The following MEIOSIN variants were observed in gnomAD, a reference collection of about 807,000 sequenced individuals.
MEIOSIN encodes meiosis initiator.
Under a neutral mutation model 23.4 loss-of-function variants are expected in MEIOSIN, and 18 were observed. The ratio of observed to expected loss-of-function variants is 0.77; its 90% confidence interval spans 0.53 to 1.14. The LOEUF (loss-of-function observed/expected upper bound fraction) is 1.14. Ranked by LOEUF, MEIOSIN falls within the 50% of genes most tolerant of loss-of-function variation. MEIOSIN has a pLI of 0.00. For missense variants in MEIOSIN, 428 were observed against 242.9 expected (o/e 1.76, Z -5.07); for synonymous variants, 187 against 100.6 (o/e 1.86, Z -5.14).
intron 3 of MEIOSIN, among the ~76,000 whole-genome samples, chr19:45,744,313 C>T (rs561970772): frequency 7.4e-4 from 112 of 152,200 alleles, no homozygotes; most frequent in African/African-American, 2.5e-3. Context: ...AGCCACCATG[C>T]CCGGCCTCCT....
chr19:45,755,922 G>A, intron 7 of MEIOSIN, 48 bp from the exon 8 acceptor site: 2 of 687,436 alleles, frequency 2.9e-6, no homozygotes, highest in South Asian at 3.0e-5. Context: ...TGGGCTTCCT[G>A]GAATTTGGTC....
rs1298308543 is a variant in MEIOSIN at position 45,735,458 on chromosome 19, G to A, written c.71+11G>A. ...GGGTCCCAGTGACAGGTAAGGGCTT[G>A]CCCCATCTCCCTTATAGCCCCAGCC... is the stretch of plus-strand genomic sequence containing the variant. On this transcript the variant is annotated intron_variant, in intron 2 of 14. Coordinates refer to ENST00000457052, the MANE Select transcript of MEIOSIN (RefSeq NM_001310124.2). The A allele has an allele frequency of 1.4e-6, 1 of 701,418 alleles. No homozygotes were observed. The highest frequency in any genetic ancestry group is 2.0e-5 in the Admixed American group (1 of 49,788). 43.4% of individuals were successfully genotyped at this position (701,418 alleles called of 1,614,324 possible). A position where few individuals can be genotyped will look rare whatever the true frequency, so the allele number is the denominator to read the frequency against.
At chr19:45,734,623 G>T (rs4803851) in intron 1 of MEIOSIN, among the ~76,000 whole-genome samples, 1 of 150,966 alleles carries the variant, frequency 6.6e-6, no homozygotes, top group Non-Finnish European at 1.5e-5. Flanking sequence ...CCCACCTCAG[G>T]CTCCCAAGTA....
intron 2 of MEIOSIN, among the ~76,000 whole-genome samples, chr19:45,738,310 T>C (rs1179658493): frequency 6.6e-6 from 1 of 152,202 alleles, no homozygotes. Context: ...AAACCCATCA[T>C]AAACTGAAAA....
At chr19:45,751,312 A>AATAATG in intron 5 of MEIOSIN, among the ~76,000 whole-genome samples, 1 of 145,622 alleles carries the variant, frequency 6.9e-6, no homozygotes, top group South Asian at 2.2e-4. Flanking sequence ...TAATAATAAT[A>AATAATG]TATACATAAA....
intron 4 of MEIOSIN, among the ~76,000 whole-genome samples, chr19:45,750,416 AC>A (rs1173865849): frequency 2.8e-4 from 41 of 145,998 alleles, no homozygotes; most frequent in African/African-American, 9.7e-4. Flanking sequence ...CTGGAGTGCA[AC>A]GGCGTGATCT....
chr19:45,761,877 A>ACGGC lies in MEIOSIN; in HGVS notation c.1434+13_1434+16dup. On this transcript the variant is annotated intron_variant, in intron 12 of 14. Transcript: ENST00000457052. The stretch of plus-strand genomic sequence containing the variant: ...GTGGAAGCAGCGAGAGGTGAGAGAC[A>ACGGC]CGGCCGCATGCCAGGGCCAGCAGGG... 1 of 641,460 alleles carries ACGGC rather than the reference A, an allele frequency of 1.6e-6. No individual in the cohort carries two copies. Among genetic ancestry groups the ACGGC allele is most frequent in the Non-Finnish European group, 2.8e-6 (1 of 351,364 alleles). 39.7% of individuals were successfully genotyped at this position (641,460 alleles called of 1,614,324 possible). A position where few individuals can be genotyped will look rare whatever the true frequency, so the allele number is the denominator to read the frequency against.
intron 3 of MEIOSIN, among the ~76,000 whole-genome samples, chr19:45,740,219 G>C (rs576761206): frequency 6.6e-6 from 1 of 152,284 alleles, no homozygotes; most frequent in Admixed American, 6.6e-5. Flanking sequence ...ACACCTTCCA[G>C]ATAAGATCAA....
chr19:45,743,009 G>C (rs754368913), intron 3 of MEIOSIN, among the ~76,000 whole-genome samples: 1 of 152,090 alleles, frequency 6.6e-6, no homozygotes, highest in Non-Finnish European at 1.5e-5. Flanking sequence ...GCTAAAACCC[G>C]AACCATCCAG....
rs368086457 is a variant in MEIOSIN at position 45,756,002 on chromosome 19, G to A, written c.835G>A (p.Ala279Thr). The A allele has an allele frequency of 3.3e-5, 23 of 702,858 alleles. No homozygotes were observed. Among genetic ancestry groups the A allele is most frequent in the African/African-American group, 1.4e-4 (8 of 57,356 alleles). 43.5% of individuals were successfully genotyped at this position (702,858 alleles called of 1,614,324 possible). Residue 279 changes from alanine to threonine, a missense_variant, in exon 8 of 15, where the codon GCA becomes ACA. Ala to Thr is a moderately conservative substitution (Grantham distance 58). Transcript: ENST00000457052. ...GTGCCAGGGCAGTGTCCAGGATGAC[G>A]CACCTTTCCCTGCGCTCCTGGCTCA... ...CWCQGSVQDD[A>T]PFPALLAQED...
At chr19:45,750,239 A>C (rs1397946297) in intron 4 of MEIOSIN, among the ~76,000 whole-genome samples, 1 of 144,326 alleles carries the variant, frequency 6.9e-6, no homozygotes, top group African/African-American at 2.5e-5. Flanking sequence ...GTGCAGTGGC[A>C]TGATCTCAGC....
Position 45,764,227 on chromosome 19 carries a change from G to A in MEIOSIN, c.*109G>A, listed in dbSNP as rs1969013500. 2.5e-6 allele frequency: 1 copy of A among 397,894 alleles called. No individual in the cohort carries two copies. Among genetic ancestry groups the A allele is most frequent in the Non-Finnish European group, 4.4e-6 (1 of 225,926 alleles). The allele number at this position is 397,894 out of a possible 1,614,324, so 24.6% of individuals were successfully genotyped here. A position where few individuals can be genotyped will look rare whatever the true frequency, so the allele number is the denominator to read the frequency against. ...TCCCTCCTGGGCCTCCAGCCCCTGA[G>A]AATGCAGGTCCCATGGGACTGGGGA... is the stretch of plus-strand genomic sequence containing the variant. On this transcript the variant is annotated 3_prime_UTR_variant, in exon 15 of 15. Coordinates refer to ENST00000457052, the MANE Select transcript of MEIOSIN (RefSeq NM_001310124.2).
chr19:45,751,311 T>TA (rs977199924), intron 5 of MEIOSIN, among the ~76,000 whole-genome samples: 185 of 145,484 alleles, frequency 1.3e-3, no homozygotes, highest in Non-Finnish European at 2.1e-3. Flanking sequence ...ATAATAATAA[T>TA]ATATACATAA....
intron 4 of MEIOSIN, among the ~76,000 whole-genome samples, chr19:45,745,534 G>A (rs1024196382): frequency 3.3e-5 from 5 of 152,154 alleles, no homozygotes; most frequent in South Asian, 2.1e-4. Context: ...AGGAGAAACC[G>A]GGCTGGGGAA....
chr19:45,762,556 C>T (rs1377115208), intron 13 of MEIOSIN, among the ~76,000 whole-genome samples: 1 of 152,206 alleles, frequency 6.6e-6, no homozygotes, highest in Admixed American at 6.5e-5. Context: ...CTCTCAGATT[C>T]TCCTGCCTCA....
chr19:45,745,444 G>A (rs1968576200), intron 4 of MEIOSIN, 123 bp downstream of exon 4: 1 of 598,766 alleles, frequency 1.7e-6, no homozygotes, highest in Non-Finnish European at 3.0e-6. Context: ...AATGGGAATG[G>A]TGCTACTCTG....
intron 5 of MEIOSIN, among the ~76,000 whole-genome samples, chr19:45,753,249 AGATGTTAAT>A (rs1275939394): frequency 1.3e-5 from 2 of 152,148 alleles, no homozygotes; most frequent in Admixed American, 1.3e-4. Context: ...TAAACCTAGA[AGATGTTAAT>A]GAGGAAGAAT....
At chr19:45,737,330 C>T (rs1480717577) in intron 2 of MEIOSIN, among the ~76,000 whole-genome samples, 4 of 152,004 alleles carry the variant, frequency 2.6e-5, no homozygotes, top group African/African-American at 9.7e-5. Flanking sequence ...TAGGCGTGCA[C>T]CACCACGCCT....
intron 8 of MEIOSIN, 59 bp downstream of exon 8, chr19:45,756,137 T>A: frequency 2.9e-6 from 2 of 694,140 alleles, no homozygotes; most frequent in Middle Eastern, 2.9e-4. Context: ...CTGGCGTGGG[T>A]GAGGGGTAGT....
Sources: gnomAD v4.1 joint callset for allele counts (sites outside exome capture counted in the v4.1 genomes callset) on GRCh38, gnomAD v4.1.1 for gene constraint, MANE v1.5 for transcripts, NCBI Gene and HGNC (gene_info 2026-07-23, HGNC 2026-07-21) for gene names.